The following BPIFB2 variants were observed in gnomAD, a reference collection of about 807,000 sequenced individuals.
The protein encoded by BPIFB2 is BPI fold-containing family B member 2.
In BPIFB2, 39 loss-of-function variants were observed where a neutral mutation model predicts 50.1. That is an observed-to-expected ratio of 0.78 (90% CI 0.60 to 1.02). BPIFB2 has a LOEUF of 1.02. BPIFB2 is among the 50% of genes least tolerant of loss of function. The pLI is 0.00. For synonymous variants in BPIFB2, 280 were observed against 256.3 expected (o/e 1.09, Z -0.88); for missense variants, 574 against 585.8 (o/e 0.98, Z 0.21).
intron 14 of BPIFB2, 69 bp downstream of exon 14, chr20:33,021,413 C>G: frequency 6.7e-7 from 1 of 1,498,828 alleles, no homozygotes; most frequent in East Asian, 2.4e-5. Context: ...GCTCGGTGCT[C>G]AATCCCAGCC....
In BPIFB2 at chr20:33,014,897, C is replaced by G. The variant is rs373011937; in HGVS notation, c.456-539C>G. Among the ~76,000 whole-genome samples, 8 of 152,362 alleles carry G rather than the reference C, an allele frequency of 5.3e-5. 1 individual carries two copies. The highest frequency in any genetic ancestry group is 1.3e-4 in the Admixed American group (2 of 15,312). On this transcript the variant is annotated intron_variant, in intron 5 of 15. Coordinates refer to ENST00000170150, the MANE Select transcript of BPIFB2 (RefSeq NM_025227.3). ...CACAGAGGCCACCCTCCCACCTCCC[C>G]CCCAGGGAGCTGGTTCAGCAAGGTT...
chr20:33,016,745 C>T lies in BPIFB2; in HGVS notation c.517-297C>T, dbSNP rs576456659. Among the ~76,000 whole-genome samples, 287 of 152,374 alleles carry T rather than the reference C, an allele frequency of 1.9e-3. 1 individual carries two copies. Among genetic ancestry groups the T allele is most frequent in the Non-Finnish European group, 2.8e-3 (193 of 68,036 alleles). On this transcript the variant is annotated intron_variant, in intron 6 of 15. Transcript: ENST00000170150. ...CCCGTTGCAGCAGATTCCCTGCCTC[C>T]GTTGCTCAGGCCCAGCTACGACCAC...
intron 2 of BPIFB2, among the ~76,000 whole-genome samples, chr20:33,010,557 T>C (rs1990272068): frequency 6.6e-6 from 1 of 152,156 alleles, no homozygotes; most frequent in African/African-American, 2.4e-5. Context: ...AACCAGGATC[T>C]GAGAGACTCT....
chr20:33,009,517 C>T lies in BPIFB2; in HGVS notation c.109+834C>T, dbSNP rs62207503. Among the ~76,000 whole-genome samples the T allele has an allele frequency of 0.042, 6,337 of 152,316 alleles. 131 individuals are homozygous for T. Among genetic ancestry groups the T allele is most frequent in the Non-Finnish European group, 0.043 (2,928 of 68,034 alleles). ...AAGTCAGGTCAGACAGTAGATGGGA[C>T]CTTCAGTGGCCCAGGACATGAAGCA... is the stretch of plus-strand genomic sequence containing the variant. On this transcript the variant is annotated intron_variant, in intron 2 of 15. Transcript: ENST00000170150. The surrounding 1 kb of genome is among the most constrained non-coding windows in gnomAD (Gnocchi z 4.2).
chr20:33,011,230 G>A, intron 3 of BPIFB2, 113 bp downstream of exon 3: 1 of 1,003,482 alleles, frequency 1.0e-6, no homozygotes, highest in Non-Finnish European at 1.5e-6. Flanking sequence ...CTGGGCAGAT[G>A]CTCCTATCCA....
intron 3 of BPIFB2, among the ~76,000 whole-genome samples, chr20:33,011,861 C>T (rs569249660): frequency 6.6e-6 from 1 of 152,206 alleles, no homozygotes; most frequent in South Asian, 2.1e-4. Context: ...TGCCTGTAAT[C>T]CCAGCTACTC....
At chr20:33,021,859 GGGGGT>G in intron 15 of BPIFB2, 60 bp downstream of exon 15, 7 of 1,513,104 alleles carry the variant, frequency 4.6e-6, no homozygotes, top group Non-Finnish European at 6.4e-6. Context: ...TGATTGAGGT[GGGGGT>G]CACCTCTCTC....
intron 7 of BPIFB2, 70 bp downstream of exon 7, chr20:33,017,172 A>G: frequency 6.9e-7 from 1 of 1,457,552 alleles, no homozygotes; most frequent in Non-Finnish European, 9.5e-7. Flanking sequence ...AACCCTCCAA[A>G]GGCTCCACTC....
Position 33,008,831 on chromosome 20 carries a change from A to G in BPIFB2, c.109+148A>G, listed in dbSNP as rs1163876740. 1.5e-4 allele frequency: 94 copies of G among 639,678 alleles called. No homozygotes were observed. In the East Asian group the frequency reaches 2.9e-3, roughly 19 times the overall value. The allele number at this position is 639,678 out of a possible 1,614,324, so 39.6% of individuals were successfully genotyped here. A position where few individuals can be genotyped will look rare whatever the true frequency, so the allele number is the denominator to read the frequency against. On this transcript the variant is annotated intron_variant, in intron 2 of 15. Transcript: ENST00000170150. Reference sequence around the variant, plus strand: ...GTCCCTGGCACCCAGACAGTGCCTGACACATGGCGCTGCTCAACAAATGCT... The same window carrying G: ...GTCCCTGGCACCCAGACAGTGCCTGGCACATGGCGCTGCTCAACAAATGCT...
At chr20:33,012,291 T>G (rs1335557966) in intron 3 of BPIFB2, among the ~76,000 whole-genome samples, 1 of 152,182 alleles carries the variant, frequency 6.6e-6, no homozygotes, top group African/African-American at 2.4e-5. Context: ...GATTGTTGAG[T>G]GCACAGACGC....
chr20:33,011,983 A>G (rs1990295446), intron 3 of BPIFB2, among the ~76,000 whole-genome samples: 1 of 152,224 alleles, frequency 6.6e-6, no homozygotes, highest in Non-Finnish European at 1.5e-5. Context: ...CTGTCTCAAA[A>G]CAAAAAAACA....
chr20:33,018,332 C>T lies in BPIFB2; in HGVS notation c.651C>T (p.Tyr217=). 1 of 1,613,804 alleles carries T rather than the reference C, an allele frequency of 6.2e-7. No homozygotes were observed. The change falls in exon 8 of 16, where the codon TAC becomes TAT. Residue 217 remains tyrosine, a synonymous_variant. Transcript: ENST00000170150. ...MVSVPTVTSD[Y]ISLEVNAVLF... is the part of the protein sequence containing the mutation. ...GTGTGCCCACTGTCACCAGTGACTA[C>T]ATTTCCCTGGAAGTCAATGTAAGTG...
At position 33,018,769 on chromosome 20, in the gene BPIFB2, C is replaced by T; in HGVS notation, c.802C>T (p.Leu268Phe). The T allele has an allele frequency of 2.5e-6, 4 of 1,614,170 alleles. No homozygotes were observed. The highest frequency in any genetic ancestry group is 3.4e-6 in the Non-Finnish European group (4 of 1,180,022). The change falls in exon 9 of 16, where the codon CTC becomes TTC. Residue 268 changes from leucine to phenylalanine, a missense_variant. Coordinates refer to ENST00000170150, the MANE Select transcript of BPIFB2 (RefSeq NM_025227.3). ...GLSQQLFDSA[L>F]LLLQKAGALN... The stretch of plus-strand genomic sequence containing the variant: ...CTCCCAGCAGCTGTTTGACTCTGCG[C>T]TCCTGCTGCTGCAGAAGGCCGGTGC...
In BPIFB2 at chr20:33,018,351, G is replaced by A. The variant is rs761856259; in HGVS notation, c.669+1G>A. 8 of 1,610,722 alleles carry A rather than the reference G, an allele frequency of 5.0e-6. No individual in the cohort carries two copies. The highest frequency in any genetic ancestry group is 6.8e-6 in the Non-Finnish European group (8 of 1,177,072). On this transcript the variant is annotated splice_donor_variant, in intron 8 of 15. Coordinates refer to ENST00000170150, the MANE Select transcript of BPIFB2 (RefSeq NM_025227.3). LOFTEE classifies it high-confidence loss of function. ...TGACTACATTTCCCTGGAAGTCAAT[G>A]TAAGTGCCTCCTGGCCAGCCCAGAG... is the stretch of plus-strand genomic sequence containing the variant.
intron 7 of BPIFB2, among the ~76,000 whole-genome samples, chr20:33,017,773 C>T (rs779877431): frequency 7.2e-5 from 11 of 152,270 alleles, no homozygotes; most frequent in Non-Finnish European, 1.0e-4. Context: ...ACTGCGTGTG[C>T]GTGTGTGCGT....
intron 5 of BPIFB2, among the ~76,000 whole-genome samples, chr20:33,014,370 A>G (rs544062896): frequency 7.2e-4 from 110 of 152,310 alleles, no homozygotes; most frequent in Middle Eastern, 3.4e-3. Context: ...CCTTCTGCAT[A>G]AAGGCTGATG....
At position 33,019,646 on chromosome 20, in the gene BPIFB2, G is replaced by A; in HGVS notation, c.976G>A (p.Ala326Thr). Residue 326 changes from alanine (A) to threonine (T), a missense_variant, in exon 11 of 16, where the codon GCC becomes ACC. Coordinates refer to ENST00000170150, the MANE Select transcript of BPIFB2 (RefSeq NM_025227.3). The part of the protein sequence containing the change: ...LKVRLGATPV[A>T]MLHTNNATLR... ...GGTGCGGCTGGGTGCCACACCTGTG[G>A]CCATGCTCCACACAAACAACGCCAC... 1 of 1,612,436 alleles carries A rather than the reference G, an allele frequency of 6.2e-7. No homozygotes were observed. The highest frequency in any genetic ancestry group is 8.5e-7 in the Non-Finnish European group (1 of 1,179,288).
intron 5 of BPIFB2, among the ~76,000 whole-genome samples, chr20:33,014,773 A>G (rs1238408767): frequency 6.6e-6 from 1 of 152,220 alleles, no homozygotes; most frequent in Non-Finnish European, 1.5e-5. Context: ...CTTGTGTCGC[A>G]TGATCACCAC....
intron 3 of BPIFB2, 135 bp from the exon 4 acceptor site, chr20:33,012,668 C>T: frequency 2.8e-6 from 2 of 727,094 alleles, no homozygotes; most frequent in South Asian, 3.5e-5. Context: ...CACCATCTTC[C>T]CCTTACCTCA....
Sources: allele counts gnomAD v4.1 joint callset (sites outside exome capture counted in the v4.1 genomes callset), GRCh38; gene constraint gnomAD v4.1.1; non-coding constraint Gnocchi (gnomAD v3.1); transcripts MANE v1.5; gene names NCBI Gene and HGNC (gene_info 2026-07-23, HGNC 2026-07-21).